The following CNTNAP4 variants were observed in gnomAD, a reference collection of about 807,000 sequenced individuals.
CNTNAP4 encodes contactin-associated protein-like 4.
In CNTNAP4, 98 loss-of-function variants were observed where a neutral mutation model predicts 148.4. The ratio of observed to expected loss-of-function variants is 0.66; its 90% CI spans 0.56 to 0.78. The LOEUF is 0.78. Ranked by LOEUF, CNTNAP4 falls within the 30% of genes least tolerant of loss-of-function variation. The pLI, the probability that CNTNAP4 is intolerant of heterozygous loss-of-function variation, is 0.00. For synonymous variants in CNTNAP4, 730 were observed against 565.1 expected (o/e 1.29, Z -4.14); for missense variants, 1,935 against 1,565.6 (o/e 1.24, Z -3.98).
chr16:76,280,830 GT>G (rs2143733766), intron 1 of CNTNAP4, among the ~76,000 whole-genome samples: 1 of 152,154 alleles, frequency 6.6e-6, no homozygotes, highest in East Asian at 1.9e-4. Flanking sequence ...TATAAATCCA[GT>G]TTTTGAACAT....
intron 3 of CNTNAP4, among the ~76,000 whole-genome samples, chr16:76,419,068 A>C (rs968998198): frequency 1.3e-5 from 2 of 151,940 alleles, no homozygotes; most frequent in Non-Finnish European, 1.5e-5. Context: ...ATGTTCTGTA[A>C]TATTCCAACT....
intron 13 of CNTNAP4, among the ~76,000 whole-genome samples, chr16:76,492,321 A>T (rs1277270478): frequency 1.3e-5 from 2 of 151,934 alleles, no homozygotes; most frequent in Non-Finnish European, 2.9e-5. Flanking sequence ...TGATTGTGGT[A>T]ATCATTTCAC....
chr16:76,291,966 C>G (rs1567598196), intron 1 of CNTNAP4, among the ~76,000 whole-genome samples: 1 of 152,150 alleles, frequency 6.6e-6, no homozygotes, highest in Non-Finnish European at 1.5e-5. Context: ...TTGGATTTAT[C>G]TTTTCAAAGG....
chr16:76,547,353 A>T (rs913772355), intron 21 of CNTNAP4, among the ~76,000 whole-genome samples: 13 of 152,212 alleles, frequency 8.5e-5, no homozygotes, highest in African/African-American at 3.1e-4. Flanking sequence ...ATATGCCCAC[A>T]TTTTGAATAA....
intron 4 of CNTNAP4, among the ~76,000 whole-genome samples, chr16:76,443,341 C>G (rs1396033596): frequency 6.6e-6 from 1 of 152,146 alleles, no homozygotes; most frequent in African/African-American, 2.4e-5. Context: ...AATACTTCTA[C>G]TTTTCCTATT....
rs934357563 is a variant in CNTNAP4, at chr16:76,456,944, G to A, written c.1333+4175G>A. 7.2e-5 allele frequency among the ~76,000 whole-genome samples: 11 copies of A among 152,176 alleles called. No homozygotes were observed. The South Asian group carries it at 2.3e-3, about 32-fold the overall frequency. ...TAAGGTGAGAATGATAAGTTATAGT[G>A]AAGATTAAATGATACTATGCATAGA... On this transcript the variant is annotated intron_variant, in intron 8 of 23. Coordinates refer to ENST00000611870, the MANE Select transcript of CNTNAP4 (RefSeq NM_033401.5).
chr16:76,495,105 A>G (rs879164365), intron 14 of CNTNAP4, 39 bp downstream of exon 14: 1 of 1,604,104 alleles, frequency 6.2e-7, no homozygotes, highest in Non-Finnish European at 8.5e-7. Flanking sequence ...GAAAAAGTTC[A>G]TTTAAAAAAA....
At chr16:76,537,283 A>C (rs1398150738) in intron 18 of CNTNAP4, among the ~76,000 whole-genome samples, 5 of 152,200 alleles carry the variant, frequency 3.3e-5, no homozygotes, top group Admixed American at 3.3e-4. Flanking sequence ...AAACTCTAAG[A>C]TGTCAAGGGA....
chr16:76,331,685 C>G (rs1358171686), intron 2 of CNTNAP4, among the ~76,000 whole-genome samples: 2 of 152,126 alleles, frequency 1.3e-5, no homozygotes, highest in East Asian at 1.9e-4. Context: ...ATTGTATGCA[C>G]TAACATAGAC....
At chr16:76,423,035 C>T (rs2079245369) in intron 3 of CNTNAP4, among the ~76,000 whole-genome samples, 1 of 152,092 alleles carries the variant, frequency 6.6e-6, no homozygotes, top group East Asian at 1.9e-4. Flanking sequence ...GGAGCTCATT[C>T]ACCGTTCCAC....
In CNTNAP4 at chr16:76,339,692, A is replaced by G. The variant is rs11648036; in HGVS notation, c.197-15626A>G. ...TTTGACCTTCTGAAGTTATCTCAGA[A>G]TCTATCTAATTTATTTCCATTTCTC... On this transcript the variant is annotated intron_variant, in intron 2 of 23. Transcript: ENST00000611870. Among the ~76,000 whole-genome samples, 540 of 152,340 alleles carry G rather than the reference A, an allele frequency of 3.5e-3. 2 individuals carry two copies. The highest frequency in any genetic ancestry group is 7.2e-3 in the African/African-American group (300 of 41,574).
In CNTNAP4 at chr16:76,535,697, C is replaced by T. The variant is rs1312218337; in HGVS notation, c.2908C>T (p.Arg970Cys). The T allele has an allele frequency of 1.2e-6, 2 of 1,613,726 alleles. No individual in the cohort carries two copies. Among genetic ancestry groups the T allele is most frequent in the Non-Finnish European group, 1.7e-6 (2 of 1,179,870 alleles). Residue 970 changes from arginine (R) to cysteine (C), a missense_variant, in exon 18 of 24, where the codon CGC becomes TGC. Physicochemically the swap from Arg to Cys is radical, Grantham distance 180 (BLOSUM62 -3). Transcript: ENST00000611870. ...TTGCAGCAGCTATGGGAAGTTATGC[C>T]GCAATGGAGGGAAATGCAGAGAAAG... ...GHCSSYGKLCRNGGKCRERPI... is the reference protein window; with the variant it reads ...GHCSSYGKLCCNGGKCRERPI...
At position 76,548,295 on chromosome 16, in the gene CNTNAP4, C is replaced by CT. The variant is rs66981960; in HGVS notation, c.3443-4964dup. 3.1e-3 allele frequency among the ~76,000 whole-genome samples: 288 copies of CT among 92,696 alleles called. 1 individual carries two copies. Among genetic ancestry groups the CT allele is most frequent in the Middle Eastern group, 0.027 (3 of 112 alleles). 60.8% of individuals were successfully genotyped at this position (92,696 alleles called of 152,430 possible). A position where few individuals can be genotyped will look rare whatever the true frequency, so the allele number is the denominator to read the frequency against. On this transcript the variant is annotated intron_variant, in intron 21 of 23. Coordinates refer to ENST00000611870, the MANE Select transcript of CNTNAP4 (RefSeq NM_033401.5). The stretch of plus-strand genomic sequence containing the variant: ...CCCTGGCTCTCTTGATTCACTGCAC[C>CT]TTTTTTTTTTTTTTTTTTTTTTTTG...
chr16:76,318,565 T>C (rs1049524829), intron 2 of CNTNAP4, among the ~76,000 whole-genome samples: 3 of 151,830 alleles, frequency 2.0e-5, no homozygotes, highest in Admixed American at 6.6e-5. Flanking sequence ...CTTTTTGATT[T>C]AGGTTTTCTT....
chr16:76,470,856 G>C (rs1189441844), intron 10 of CNTNAP4, among the ~76,000 whole-genome samples: 4 of 151,894 alleles, frequency 2.6e-5, no homozygotes, highest in African/African-American at 9.7e-5. Context: ...CTACACACAT[G>C]CACCAATGTG....
chr16:76,287,067 C>T (rs1483109183), intron 1 of CNTNAP4, among the ~76,000 whole-genome samples: 1 of 152,170 alleles, frequency 6.6e-6, no homozygotes, highest in Non-Finnish European at 1.5e-5. Flanking sequence ...TGCTCACATA[C>T]AGCTTCATAA....
At chr16:76,433,231 C>T (rs1385407285) in intron 4 of CNTNAP4, among the ~76,000 whole-genome samples, 1 of 152,120 alleles carries the variant, frequency 6.6e-6, no homozygotes, top group Non-Finnish European at 1.5e-5. Flanking sequence ...CTCAGGAATG[C>T]TTTCTCCATC....
chr16:76,386,277 C>A (rs1183506835), intron 3 of CNTNAP4, among the ~76,000 whole-genome samples: 1 of 152,072 alleles, frequency 6.6e-6, no homozygotes, highest in Non-Finnish European at 1.5e-5. Context: ...ATTCTTGCCA[C>A]GTCTTTTATA....
chr16:76,336,410 G>T (rs996747808), intron 2 of CNTNAP4, among the ~76,000 whole-genome samples: 5 of 151,990 alleles, frequency 3.3e-5, no homozygotes, highest in South Asian at 4.1e-4. Flanking sequence ...TTACACCACG[G>T]GAATTGACAA....
Sources: allele counts gnomAD v4.1 joint callset (sites outside exome capture counted in the v4.1 genomes callset), GRCh38; gene constraint gnomAD v4.1.1; transcripts MANE v1.5; gene names NCBI Gene and HGNC (gene_info 2026-07-23, HGNC 2026-07-21).